PRKCE: variants seen among roughly 807,000 people sequenced by gnomAD.
PRKCE encodes protein kinase C epsilon type.
A neutral mutation model predicts 85.4 loss-of-function variants in PRKCE; 16 were observed. That is an observed-to-expected ratio of 0.19 (90% CI 0.13 to 0.28). The LOEUF is 0.28. PRKCE is among the 10% of genes least tolerant of loss of function. The pLI, the probability that PRKCE is intolerant of heterozygous loss-of-function variation, is 1.00. For missense variants in PRKCE, 573 were observed against 975.2 expected (o/e 0.59, Z 5.49); for synonymous variants, 388 against 371.5 (o/e 1.04, Z -0.51).
At chr2:45,858,345 G>C (rs1035447896) in intron 2 of PRKCE, among the ~76,000 whole-genome samples, 4 of 151,666 alleles carry the variant, frequency 2.6e-5, no homozygotes, top group African/African-American at 9.7e-5. Context: ...TGAGGCCTTC[G>C]TCAGCCTTCT....
At chr2:45,737,663 A>G (rs1378727541) in intron 1 of PRKCE, among the ~76,000 whole-genome samples, 3 of 151,950 alleles carry the variant, frequency 2.0e-5, no homozygotes, top group African/African-American at 7.3e-5. Flanking sequence ...AAGACACAGA[A>G]TGTCAGGGTG....
chr2:45,732,414 C>T (rs1436345064), intron 1 of PRKCE, among the ~76,000 whole-genome samples: 1 of 152,058 alleles, frequency 6.6e-6, no homozygotes, highest in Non-Finnish European at 1.5e-5. Context: ...TATCATATAA[C>T]CAGGAGCTTA....
At chr2:45,941,065 T>TAAAAAAAAAAAAAAAAAAAAAAAAAA (rs397781944) in intron 2 of PRKCE, among the ~76,000 whole-genome samples, 19 of 67,154 alleles carry the variant, frequency 2.8e-4, no homozygotes, top group East Asian at 1.1e-3. Flanking sequence ...GACTTCATCC[T>TAAAAAAAAAAAAAAAAAAAAAAAAAA]AAAAAAAAAA....
Position 46,010,346 on chromosome 2 carries a change from C to A in PRKCE, c.1266C>A (p.Val422=). The A allele has an allele frequency of 6.3e-7, 1 of 1,590,822 alleles. No individual in the cohort carries two copies. The highest frequency in any genetic ancestry group is 1.1e-5 in the South Asian group (1 of 90,106). Residue 422 remains valine, a splice_region_variant and synonymous_variant, in exon 10 of 15, where the codon GTC becomes GTA. Coordinates refer to ENST00000306156, the MANE Select transcript of PRKCE (RefSeq NM_005400.3). ...TGGAGGCAATTGATTGATTGCAGGT[C>A]ATGTTGGCAGAACTCAAGGGCAAAG... ...KVLGKGSFGK[V]MLAELKGKDE...
chr2:46,127,384 G>A lies in PRKCE; in HGVS notation c.1593-17709G>A, dbSNP rs986825465. On this transcript the variant is annotated intron_variant, in intron 11 of 14. Transcript: ENST00000306156. Reference sequence around the variant, plus strand: ...TTTATATATATAAAAGAGAGAGCACGCCCTAAACCAGCATCTGATCCTAAC... The same window carrying A: ...TTTATATATATAAAAGAGAGAGCACACCCTAAACCAGCATCTGATCCTAAC... Among the ~76,000 whole-genome samples the A allele has an allele frequency of 5.9e-5, 9 of 152,180 alleles. No individual in the cohort carries two copies. The East Asian group carries it at 1.5e-3, about 26-fold the overall frequency.
chr2:45,873,313 CAT>C (rs1486757742), intron 2 of PRKCE, among the ~76,000 whole-genome samples: 1 of 152,170 alleles, frequency 6.6e-6, no homozygotes, highest in East Asian at 1.9e-4. Context: ...ATTGCCGCAA[CAT>C]CCTAAGGCAA....
chr2:45,774,930 AGTT>A lies in PRKCE; in HGVS notation c.349-68066_349-68064del, dbSNP rs747118075. 2.6e-5 allele frequency among the ~76,000 whole-genome samples: 4 copies of A among 152,128 alleles called. No individual in the cohort carries two copies. Among genetic ancestry groups the A allele is most frequent in the Non-Finnish European group, 4.4e-5 (3 of 68,022 alleles). ...GTCCCAGCAAGGGTGTGGTGAAGGA[AGTT>A]GTTTTTCTTAATGGTAAACAGGATA... On this transcript the variant is annotated intron_variant, in intron 1 of 14. Coordinates refer to ENST00000306156, the MANE Select transcript of PRKCE (RefSeq NM_005400.3). The surrounding 1 kb of genome is among the most constrained non-coding windows in gnomAD (Gnocchi z 4.3).
intron 11 of PRKCE, among the ~76,000 whole-genome samples, chr2:46,099,983 G>A (rs1373038041): frequency 6.6e-6 from 1 of 152,144 alleles, no homozygotes; most frequent in Non-Finnish European, 1.5e-5. Context: ...CTCTAATAAA[G>A]CTCAGTCTTA....
chr2:46,065,933 C>T (rs541180269), intron 10 of PRKCE, among the ~76,000 whole-genome samples: 14 of 152,318 alleles, frequency 9.2e-5, no homozygotes, highest in Non-Finnish European at 1.9e-4. Context: ...GCCAGGGGAA[C>T]ACTGCTGTTT....
At chr2:45,696,968 C>G (rs889222868) in intron 1 of PRKCE, among the ~76,000 whole-genome samples, 15 of 152,196 alleles carry the variant, frequency 9.9e-5, no homozygotes, top group Non-Finnish European at 1.8e-4. Flanking sequence ...ACCCCACTTC[C>G]TTTTTATTCC....
At chr2:45,992,001 G>A (rs574194331) in intron 6 of PRKCE, among the ~76,000 whole-genome samples, 39 of 152,322 alleles carry the variant, frequency 2.6e-4, no homozygotes, top group Admixed American at 9.1e-4. Context: ...TGTGCAAGGC[G>A]TCGTGGTGAA....
intron 1 of PRKCE, among the ~76,000 whole-genome samples, chr2:45,801,280 CA>C (rs1050418440): frequency 2.0e-4 from 30 of 152,036 alleles, no homozygotes; most frequent in African/African-American, 7.0e-4. Flanking sequence ...TTTAGGAAGA[CA>C]TTTGGTATTT....
At chr2:45,815,162 A>G (rs981596950) in intron 1 of PRKCE, among the ~76,000 whole-genome samples, 2 of 152,198 alleles carry the variant, frequency 1.3e-5, no homozygotes, top group East Asian at 3.9e-4. Context: ...CTAATCTCAT[A>G]AGAGGATTAT....
chr2:45,831,036 T>G (rs1690379614), intron 1 of PRKCE, among the ~76,000 whole-genome samples: 2 of 152,180 alleles, frequency 1.3e-5, no homozygotes, highest in Admixed American at 1.3e-4. Flanking sequence ...CCAGAGAGCG[T>G]CAGCTCAGAT....
intron 1 of PRKCE, among the ~76,000 whole-genome samples, chr2:45,765,128 C>A (rs1212868550): frequency 6.6e-6 from 1 of 152,204 alleles, no homozygotes; most frequent in East Asian, 1.9e-4. Flanking sequence ...GGAGGAAACG[C>A]TTTACCCTTA....
chr2:46,046,211 C>G (rs1263988482), intron 10 of PRKCE, among the ~76,000 whole-genome samples: 5 of 152,240 alleles, frequency 3.3e-5, no homozygotes, highest in South Asian at 4.1e-4. Context: ...AACAGATCAG[C>G]TGCCATCCTT....
intron 2 of PRKCE, among the ~76,000 whole-genome samples, chr2:45,898,928 A>G (rs1242898544): frequency 6.6e-6 from 1 of 152,202 alleles, no homozygotes; most frequent in Admixed American, 6.5e-5. Flanking sequence ...TCAGGGTGGA[A>G]TGTCCCAAAA....
intron 11 of PRKCE, among the ~76,000 whole-genome samples, chr2:46,107,168 A>AACC (rs1029281511): frequency 1.3e-4 from 20 of 152,152 alleles, no homozygotes; most frequent in African/African-American, 4.3e-4. Context: ...CTCCTCCCTA[A>AACC]ACCCCTGATA....
At chr2:45,674,815 C>G (rs1329828486) in intron 1 of PRKCE, 1 of 152,216 alleles carries the variant, frequency 6.6e-6, no homozygotes, top group Non-Finnish European at 1.5e-5. Flanking sequence ...TCTACAGGAA[C>G]TCCTTTTGGT....
Sources: gnomAD v4.1 joint callset for allele counts (sites outside exome capture counted in the v4.1 genomes callset) on GRCh38, gnomAD v4.1.1 for gene constraint, Gnocchi (gnomAD v3.1) non-coding constraint, MANE v1.5 for transcripts, NCBI Gene and HGNC (gene_info 2026-07-23, HGNC 2026-07-21) for gene names.